Variants in TEK observed in about 807,000 individuals in gnomAD.
The protein encoded by TEK is TEK receptor tyrosine kinase.
Under a neutral mutation model 131.8 loss-of-function variants are expected in TEK, and 43 were observed. That is an observed-to-expected ratio of 0.33 (90% confidence interval 0.26 to 0.42). The LOEUF (loss-of-function observed/expected upper bound fraction) is 0.42, where lower values mean the gene tolerates loss of function less well. TEK is among the 10% of genes least tolerant of loss of function. The pLI is 1.00. For missense variants in TEK, 1,162 were observed against 1,384.4 expected (o/e 0.84, Z 2.55); for synonymous variants, 580 against 491.6 (o/e 1.18, Z -2.38).
intron 1 of TEK, among the ~76,000 whole-genome samples, chr9:27,125,460 C>G (rs780940881): frequency 2.6e-5 from 4 of 152,190 alleles, no homozygotes; most frequent in Non-Finnish European, 5.9e-5. Flanking sequence ...TTAGAGGCCC[C>G]CTTTTTCTCT....
intron 12 of TEK, among the ~76,000 whole-genome samples, chr9:27,200,049 T>A (rs978410526): frequency 6.6e-6 from 1 of 152,222 alleles, no homozygotes; most frequent in African/African-American, 2.4e-5. Flanking sequence ...TTTTAATATT[T>A]TTATTTTAAT....
intron 1 of TEK, among the ~76,000 whole-genome samples, chr9:27,119,804 A>AT (rs1239992633): frequency 1.1e-4 from 16 of 151,762 alleles, no homozygotes; most frequent in Admixed American, 2.6e-4. Context: ...ATTTCTTGAC[A>AT]ATTTTTTTAC....
chr9:27,152,252 C>G (rs867712276), intron 1 of TEK, among the ~76,000 whole-genome samples: 2 of 152,264 alleles, frequency 1.3e-5, no homozygotes, highest in South Asian at 4.2e-4. Flanking sequence ...CCACCCAATA[C>G]TACAATTCTG....
In TEK at chr9:27,137,984, G is replaced by A. The variant is rs181582034; in HGVS notation, c.53-19847G>A. 2.8e-4 allele frequency among the ~76,000 whole-genome samples: 43 copies of A among 152,172 alleles called. 1 individual carries two copies. Among genetic ancestry groups the A allele is most frequent in the Non-Finnish European group, 4.7e-4 (32 of 67,992 alleles). The stretch of plus-strand genomic sequence containing the variant: ...GTTTCTTCCTTCCAGTGGGTTTGTG[G>A]TCTCGCTGACTTCAGGAGTGAAGCC... On this transcript the variant is annotated intron_variant, in intron 1 of 22. Transcript: ENST00000380036.
chr9:27,112,508 G>A (rs780032096), intron 1 of TEK, among the ~76,000 whole-genome samples: 9 of 152,184 alleles, frequency 5.9e-5, no homozygotes, highest in Non-Finnish European at 1.3e-4. Context: ...CCCTGGGAGA[G>A]CTTCCTGGAA....
At chr9:27,128,755 C>T (rs531816433) in intron 1 of TEK, among the ~76,000 whole-genome samples, 8 of 151,662 alleles carry the variant, frequency 5.3e-5, no homozygotes, top group South Asian at 4.3e-4. Flanking sequence ...AATGGGAGCT[C>T]GCTCATGATT....
At chr9:27,207,107 G>T (rs1187190754) in intron 15 of TEK, among the ~76,000 whole-genome samples, 1 of 152,192 alleles carries the variant, frequency 6.6e-6, no homozygotes, top group African/African-American at 2.4e-5. Flanking sequence ...AATTGAGTGT[G>T]CATCAGAATC....
At chr9:27,228,607 G>A (rs1826432143) in intron 22 of TEK, among the ~76,000 whole-genome samples, 1 of 152,126 alleles carries the variant, frequency 6.6e-6, no homozygotes, top group Non-Finnish European at 1.5e-5. Context: ...TGAAGAAACA[G>A]ACTCAGAAGT....
intron 7 of TEK, 38 bp downstream of exon 7, chr9:27,180,406 G>T: frequency 6.3e-7 from 1 of 1,599,724 alleles, no homozygotes; most frequent in Non-Finnish European, 8.5e-7. Flanking sequence ...GCCATGTTCA[G>T]CATGTCTGAA....
chr9:27,209,339 T>A, intron 16 of TEK, 108 bp downstream of exon 16: 1 of 822,836 alleles, frequency 1.2e-6, no homozygotes, highest in Admixed American at 2.0e-5. Context: ...CTATTTTTTT[T>A]AAAGTTGCAT....
intron 1 of TEK, among the ~76,000 whole-genome samples, chr9:27,134,084 C>T (rs1378634124): frequency 6.6e-6 from 1 of 152,122 alleles, no homozygotes. Flanking sequence ...TATGTAGAGG[C>T]TGGTAATGCT....
chr9:27,202,917 T>C lies in TEK; in HGVS notation c.2007T>C (p.Ser669=). Residue 669 remains serine, a synonymous_variant, in exon 13 of 23, where the codon TCT becomes TCC. Transcript: ENST00000380036. ...WTILDGYSIS[S]ITIRYKVQGK... ...TATTGGATGGCTATTCTATTTCTTCTATTACTATCCGTTACAAGGTTCAAG... is the reference window on the plus strand; with the variant it reads ...TATTGGATGGCTATTCTATTTCTTCCATTACTATCCGTTACAAGGTTCAAG... The C allele has an allele frequency of 6.2e-7, 1 of 1,614,162 alleles. No homozygotes were observed.
In TEK at chr9:27,154,330, G is replaced by A. The variant is rs1440195485; in HGVS notation, c.53-3501G>A. 5.3e-5 allele frequency among the ~76,000 whole-genome samples: 8 copies of A among 152,170 alleles called. No homozygotes were observed. In the East Asian group the frequency reaches 9.7e-4, roughly 18 times the overall value. ...ATCCCTCCCTGACCTCAGGTGATCCGCCTGCCTCAATCTCCCAAAGTGCTG... is the reference window on the plus strand; with the variant it reads ...ATCCCTCCCTGACCTCAGGTGATCCACCTGCCTCAATCTCCCAAAGTGCTG... On this transcript the variant is annotated intron_variant, in intron 1 of 22. Transcript: ENST00000380036.
In TEK at chr9:27,229,660, G is replaced by C. The variant is rs1826485979; in HGVS notation, c.*428G>C. The C allele has an allele frequency of 5.1e-6, 1 of 197,682 alleles. No individual in the cohort carries two copies. The highest frequency in any genetic ancestry group is 2.3e-5 in the African/African-American group (1 of 43,214). The allele number at this position is 197,682 out of a possible 1,614,324, so 12.2% of individuals were successfully genotyped here. A position where few individuals can be genotyped will look rare whatever the true frequency, so the allele number is the denominator to read the frequency against. The stretch of plus-strand genomic sequence containing the variant: ...ACCTAACAATGACCCTGATAGTACA[G>C]GTTAAGTGAGAGAACTATATGAATT... On this transcript the variant is annotated 3_prime_UTR_variant, in exon 23 of 23. Coordinates refer to ENST00000380036, the MANE Select transcript of TEK (RefSeq NM_000459.5).
chr9:27,216,901 C>A (rs1483375775), intron 18 of TEK, among the ~76,000 whole-genome samples: 9 of 152,140 alleles, frequency 5.9e-5, no homozygotes, highest in Admixed American at 2.0e-4. Flanking sequence ...TCTCAATGAC[C>A]AACCCTATGA....
At chr9:27,137,099 G>C (rs190625836) in intron 1 of TEK, among the ~76,000 whole-genome samples, 2 of 152,008 alleles carry the variant, frequency 1.3e-5, no homozygotes, top group Non-Finnish European at 2.9e-5. Context: ...TGTATTTTCA[G>C]TAGAGACGGG....
intron 6 of TEK, among the ~76,000 whole-genome samples, chr9:27,175,138 T>G (rs13292223): frequency 3.4e-5 from 2 of 59,364 alleles, no homozygotes; most frequent in African/African-American, 6.9e-5. Flanking sequence ...CCCTCCCCCC[T>G]CCCCCCACCC....
intron 19 of TEK, among the ~76,000 whole-genome samples, chr9:27,217,995 C>A (rs1203513947): frequency 6.6e-6 from 1 of 151,992 alleles, no homozygotes; most frequent in Non-Finnish European, 1.5e-5. Context: ...GTGTATTCCT[C>A]ATGTGCTTCA....
At chr9:27,165,305 A>G (rs140582241) in intron 2 of TEK, among the ~76,000 whole-genome samples, 2 of 152,304 alleles carry the variant, frequency 1.3e-5, no homozygotes, top group African/African-American at 2.4e-5. Flanking sequence ...CCATATAGAC[A>G]GGAACAACAG....
Sources: gnomAD v4.1 joint callset for allele counts (sites outside exome capture counted in the v4.1 genomes callset) on GRCh38, gnomAD v4.1.1 for gene constraint, MANE v1.5 for transcripts, NCBI Gene and HGNC (gene_info 2026-07-23, HGNC 2026-07-21) for gene names.